GABRB3: variants seen among roughly 807,000 people sequenced by gnomAD.
GABRB3 encodes the protein gamma-aminobutyric acid receptor subunit beta-3.
A neutral mutation model predicts 52.1 loss-of-function variants in GABRB3; 14 were observed. The observed-to-expected ratio is 0.27, with a 90% confidence interval of 0.18 to 0.42. The LOEUF (loss-of-function observed/expected upper bound fraction) is 0.42. Among genes scored for constraint, GABRB3 ranks in the 10% least tolerant of loss-of-function variants. GABRB3 has a pLI of 1.00. For missense variants in GABRB3, 307 were observed against 609.1 expected (o/e 0.50, Z 5.22); for synonymous variants, 260 against 232.3 (o/e 1.12, Z -1.08).
At chr15:26,731,530 T>G (rs1469583470) in intron 3 of GABRB3, among the ~76,000 whole-genome samples, 3 of 152,162 alleles carry the variant, frequency 2.0e-5, no homozygotes, top group African/African-American at 7.2e-5. Context: ...CACACAGATA[T>G]GCCAGTGGGG....
At chr15:26,593,824 G>C (rs1355988783) in intron 4 of GABRB3, among the ~76,000 whole-genome samples, 1 of 151,602 alleles carries the variant, frequency 6.6e-6, no homozygotes, top group Non-Finnish European at 1.5e-5. Flanking sequence ...AATATACCTA[G>C]AAGTGGAATT....
At chr15:26,671,102 A>C (rs1217980095) in intron 3 of GABRB3, among the ~76,000 whole-genome samples, 4 of 152,178 alleles carry the variant, frequency 2.6e-5, no homozygotes, top group African/African-American at 9.7e-5. Context: ...GGAAGTAAGA[A>C]ATACTGTGAT....
chr15:26,632,307 A>G (rs980149160), intron 3 of GABRB3, among the ~76,000 whole-genome samples: 3 of 152,254 alleles, frequency 2.0e-5, no homozygotes, highest in Non-Finnish European at 4.4e-5. Context: ...CGAAAGGCAG[A>G]GTGTGCATTT....
chr15:26,564,443 C>A (rs1233965599), intron 7 of GABRB3, among the ~76,000 whole-genome samples: 2 of 152,278 alleles, frequency 1.3e-5, no homozygotes, highest in South Asian at 4.1e-4. Flanking sequence ...GTCTGAAGAG[C>A]CAGCAGAACA....
chr15:26,702,591 C>T (rs1458646201), intron 3 of GABRB3, among the ~76,000 whole-genome samples: 1 of 152,182 alleles, frequency 6.6e-6, no homozygotes, highest in African/African-American at 2.4e-5. Context: ...ACCTGAAACA[C>T]TCACCCACTG....
chr15:26,755,118 C>G (rs1315156050), intron 3 of GABRB3, among the ~76,000 whole-genome samples: 16 of 151,770 alleles, frequency 1.1e-4, no homozygotes, highest in Non-Finnish European at 1.0e-4. Flanking sequence ...ATTCTCCTGC[C>G]TCAGCCTCCC....
At chr15:26,743,712 C>A (rs1336529173) in intron 3 of GABRB3, among the ~76,000 whole-genome samples, 2 of 152,156 alleles carry the variant, frequency 1.3e-5, no homozygotes, top group Non-Finnish European at 2.9e-5. Flanking sequence ...CATTTTCTGT[C>A]ATTATAGTGA....
chr15:26,609,622 T>C (rs1891989901), intron 4 of GABRB3, among the ~76,000 whole-genome samples: 1 of 152,176 alleles, frequency 6.6e-6, no homozygotes, highest in Non-Finnish European at 1.5e-5. Flanking sequence ...AGCTGCTATA[T>C]AGTGTCACAT....
chr15:26,739,107 T>C (rs1165254593), intron 3 of GABRB3, among the ~76,000 whole-genome samples: 1 of 152,128 alleles, frequency 6.6e-6, no homozygotes, highest in African/African-American at 2.4e-5. Flanking sequence ...CATCACTGCC[T>C]GGTGCTGATG....
chr15:26,690,486 A>G (rs1888554113), intron 3 of GABRB3, among the ~76,000 whole-genome samples: 2 of 152,208 alleles, frequency 1.3e-5, no homozygotes, highest in East Asian at 2.0e-4. Context: ...TTGACTACCA[A>G]TAAGATTAAT....
intron 4 of GABRB3, among the ~76,000 whole-genome samples, chr15:26,589,080 T>C (rs1352608057): frequency 6.6e-6 from 1 of 152,238 alleles, no homozygotes; most frequent in Non-Finnish European, 1.5e-5. Context: ...GATGTCAAGA[T>C]CCACGGATGT....
At chr15:26,579,535 C>A (rs1890713049) in intron 6 of GABRB3, among the ~76,000 whole-genome samples, 1 of 152,188 alleles carries the variant, frequency 6.6e-6, no homozygotes, top group African/African-American at 2.4e-5. Context: ...TTTATGCACT[C>A]TTTGTTCAAG....
Position 26,548,147 on chromosome 15 carries a change from A to C in GABRB3, c.1081-13T>G. ...CATGAGCATCCACCTAATTGGACGG[A>C]AAATGCACATGGTTAGACAGCCAGC... is the stretch of plus-strand genomic sequence containing the variant. On this transcript the variant is annotated splice_polypyrimidine_tract_variant and intron_variant, in intron 8 of 8. Coordinates refer to ENST00000311550, the MANE Select transcript of GABRB3 (RefSeq NM_000814.6). 1 of 1,603,778 alleles carries C rather than the reference A, an allele frequency of 6.2e-7. No individual in the cohort carries two copies. The highest frequency in any genetic ancestry group is 8.5e-7 in the Non-Finnish European group (1 of 1,170,712).
At chr15:26,747,843 T>C (rs1188560643) in intron 3 of GABRB3, among the ~76,000 whole-genome samples, 1 of 152,166 alleles carries the variant, frequency 6.6e-6, no homozygotes, top group Non-Finnish European at 1.5e-5. Context: ...AGATTCTCTT[T>C]ATAAATTAAG....
intron 3 of GABRB3, among the ~76,000 whole-genome samples, chr15:26,691,005 C>G (rs1232654904): frequency 2.0e-5 from 3 of 151,638 alleles, no homozygotes; most frequent in Non-Finnish European, 2.9e-5. Context: ...CCCACTCACT[C>G]CCCCTCCTCC....
intron 4 of GABRB3, among the ~76,000 whole-genome samples, chr15:26,593,981 A>AAG: frequency 7.5e-6 from 1 of 133,978 alleles, no homozygotes; most frequent in Admixed American, 7.4e-5. Context: ...CTCATTTTAA[A>AAG]ATATATATAT....
chr15:26,684,545 G>T (rs1455895411), intron 3 of GABRB3, among the ~76,000 whole-genome samples: 1 of 152,146 alleles, frequency 6.6e-6, no homozygotes, highest in African/African-American at 2.4e-5. Flanking sequence ...CTTTCGGCGT[G>T]CCTTTCTCAC....
intron 3 of GABRB3, among the ~76,000 whole-genome samples, chr15:26,736,143 GAGA>G (rs1341864567): frequency 1.3e-5 from 2 of 152,158 alleles, no homozygotes; most frequent in Non-Finnish European, 2.9e-5. Flanking sequence ...AAGCATTATG[GAGA>G]AGGATAGTGG....
chr15:26,638,577 C>T (rs567987190), intron 3 of GABRB3, among the ~76,000 whole-genome samples: 11 of 152,356 alleles, frequency 7.2e-5, no homozygotes, highest in African/African-American at 2.6e-4. Context: ...TCTGACAGCA[C>T]TACTTTGTAG....
Sources: gnomAD v4.1 joint callset for allele counts (sites outside exome capture counted in the v4.1 genomes callset) on GRCh38, gnomAD v4.1.1 for gene constraint, MANE v1.5 for transcripts, NCBI Gene and HGNC (gene_info 2026-07-23, HGNC 2026-07-21) for gene names.